The following PRKAB2 variants were observed in gnomAD, a reference collection of about 807,000 sequenced individuals.
The protein encoded by PRKAB2 is 5'-AMP-activated protein kinase subunit beta-2.
A neutral mutation model predicts 29.8 loss-of-function variants in PRKAB2; 18 were observed. The ratio of observed to expected loss-of-function variants is 0.60; its 90% CI spans 0.42 to 0.89. The LOEUF (loss-of-function observed/expected upper bound fraction) is 0.89. Among genes scored for constraint, PRKAB2 ranks in the 40% least tolerant of loss-of-function variants. The probability of loss-of-function intolerance (pLI) is 0.00; values close to 1 mark genes in which losing one functional copy is unlikely to be tolerated. For missense variants in PRKAB2, 270 were observed against 344.3 expected, an observed-to-expected ratio of 0.78 and a Z score of 1.71; for synonymous variants, 136 against 125.9, an observed-to-expected ratio of 1.08 and a Z score of -0.54.
rs59398783 is a variant in PRKAB2 at position 147,156,114 on chromosome 1, G to GT, written c.*3450_*3451insA. 0.051 allele frequency: 7,764 copies of GT among 152,480 alleles called. 345 individuals carry two copies. Among genetic ancestry groups the GT allele is most frequent in the African/African-American group, 0.11 (4,616 of 41,460 alleles). The allele number at this position is 152,480 out of a possible 1,614,324, so 9.4% of individuals were successfully genotyped here. Reference sequence around the variant, plus strand: ...AGACAGCAAGAACTGGGCTTTAAGGGGAATCACAATAATGCAGGAATACAC... The same window carrying GT: ...AGACAGCAAGAACTGGGCTTTAAGGGTGAATCACAATAATGCAGGAATACAC... On this transcript the variant is annotated 3_prime_UTR_variant, in exon 8 of 8. Transcript: ENST00000254101.
At position 147,167,775 on chromosome 1, in the gene PRKAB2, C is replaced by A. The variant is rs1215059348; in HGVS notation, c.315G>T (p.Leu105=). 4.3e-6 allele frequency: 7 copies of A among 1,613,210 alleles called. No individual in the cohort carries two copies. Among genetic ancestry groups the A allele is most frequent in the Non-Finnish European group, 5.9e-6 (7 of 1,179,588 alleles). ...SFNNWSTKIP[L]IKSHNDFVAI... ...ACCAAGACACTTGTCACCTCTTAAT[C>A]AGTGGAATCTTGGTGCTCCAATTGT... The change falls in exon 3 of 8, where the codon CTG becomes CTT. Residue 105 remains leucine, a synonymous_variant. Coordinates refer to ENST00000254101, the MANE Select transcript of PRKAB2 (RefSeq NM_005399.5).
At chr1:147,161,440 T>A (rs1405651169) in intron 7 of PRKAB2, among the ~76,000 whole-genome samples, 2 of 151,936 alleles carry the variant, frequency 1.3e-5, no homozygotes, top group Non-Finnish European at 2.9e-5. Flanking sequence ...CAAACTTAAG[T>A]AAACAGTTAG....
chr1:147,159,753 T>A, intron 7 of PRKAB2, 111 bp from the exon 8 acceptor site: 1 of 941,202 alleles, frequency 1.1e-6, no homozygotes, highest in Non-Finnish European at 1.6e-6. Flanking sequence ...TAGTTTGATA[T>A]AAGAGCAGGA....
Position 147,156,138 on chromosome 1 carries a change from A to G in PRKAB2, c.*3427T>C, listed in dbSNP as rs1220579839. ...GGGAATCACAATAATGCAGGAATAC[A>G]CTGTACATCTGCTATTAAGCCCATG... is the stretch of plus-strand genomic sequence containing the variant. On this transcript the variant is annotated 3_prime_UTR_variant, in exon 8 of 8. Transcript: ENST00000254101. 2 of 152,592 alleles carry G rather than the reference A, an allele frequency of 1.3e-5. No homozygotes were observed. Among genetic ancestry groups the G allele is most frequent in the African/African-American group, 4.8e-5 (2 of 41,434 alleles). 9.5% of individuals were successfully genotyped at this position (152,592 alleles called of 1,614,324 possible).
rs1300971731 is a variant in PRKAB2, at chr1:147,157,025, C to T, written c.*2540G>A. ...CCTCCTGAAGAACTATTTTCTTATT[C>T]TGCCTACTTTGACTCTGTAAAATTC... On this transcript the variant is annotated 3_prime_UTR_variant, in exon 8 of 8. Coordinates refer to ENST00000254101, the MANE Select transcript of PRKAB2 (RefSeq NM_005399.5). 1 of 152,076 alleles carries T rather than the reference C, an allele frequency of 6.6e-6. No individual in the cohort carries two copies. Among genetic ancestry groups the T allele is most frequent in the Non-Finnish European group, 1.5e-5 (1 of 68,012 alleles). 9.4% of individuals were successfully genotyped at this position (152,076 alleles called of 1,614,324 possible). A position where few individuals can be genotyped will look rare whatever the true frequency, so the allele number is the denominator to read the frequency against.
intron 7 of PRKAB2, among the ~76,000 whole-genome samples, chr1:147,159,940 A>G (rs1281905200): frequency 6.6e-6 from 1 of 152,176 alleles, no homozygotes; most frequent in African/African-American, 2.4e-5. Context: ...GACACATAAA[A>G]GGGCTGAAGA....
intron 2 of PRKAB2, among the ~76,000 whole-genome samples, chr1:147,169,118 G>A (rs1654391225): frequency 6.6e-6 from 1 of 152,156 alleles, no homozygotes; most frequent in Non-Finnish European, 1.5e-5. Flanking sequence ...ACTGGTTTAA[G>A]TGACTTTGGT....
In PRKAB2 at chr1:147,168,889, G is replaced by C. The variant is rs140185882; in HGVS notation, c.157-956C>G. Among the ~76,000 whole-genome samples, 1,486 of 152,246 alleles carry C rather than the reference G, an allele frequency of 9.8e-3. 25 individuals are homozygous for C. The highest frequency in any genetic ancestry group is 0.034 in the African/African-American group (1,415 of 41,550). On this transcript the variant is annotated intron_variant, in intron 2 of 7. Coordinates refer to ENST00000254101, the MANE Select transcript of PRKAB2 (RefSeq NM_005399.5). ...TGTAATCATAGCTCACTGCAGCCTC[G>C]AACTCCTGGGCTCAAGCCATCTTCC...
Position 147,161,742 on chromosome 1 carries a change from C to T in PRKAB2, c.711G>A (p.Met237Ile). The change falls in exon 7 of 8, where the codon ATG becomes ATA. Residue 237 changes from methionine to isoleucine, a missense_variant. Met to Ile is a conservative substitution (Grantham distance 10, BLOSUM62 1). Transcript: ENST00000254101. ...TGGACAATGCATAGAGATGGTTCAG[C>T]ATAACATGGTTGGGCTCAGGGAGTA... ...PALLPEPNHV[M>I]LNHLYALSIK... 1 of 1,612,966 alleles carries T rather than the reference C, an allele frequency of 6.2e-7. No homozygotes were observed. Among genetic ancestry groups the T allele is most frequent in the Non-Finnish European group, 8.5e-7 (1 of 1,179,292 alleles).
chr1:147,167,188 C>T (rs587752668), intron 3 of PRKAB2, among the ~76,000 whole-genome samples: 4 of 152,290 alleles, frequency 2.6e-5, no homozygotes, highest in Middle Eastern at 3.4e-3. Flanking sequence ...AAACATTAAT[C>T]CCCTCAAATG....
At chr1:147,168,685 T>C (rs1408999899) in intron 2 of PRKAB2, among the ~76,000 whole-genome samples, 1 of 152,178 alleles carries the variant, frequency 6.6e-6, no homozygotes, top group Non-Finnish European at 1.5e-5. Context: ...AAACAGTAAC[T>C]CCTGTTTCTT....
rs1553913097 is a variant in PRKAB2 at position 147,161,699 on chromosome 1, G to A, written c.741+13C>T. The A allele has an allele frequency of 6.2e-7, 1 of 1,605,450 alleles. No individual in the cohort carries two copies. The highest frequency in any genetic ancestry group is 1.7e-5 in the Admixed American group (1 of 59,914). The stretch of plus-strand genomic sequence containing the variant: ...TCCAGGGAGCTCTGTGAAGAGCCAG[G>A]GCCACCACTTACCTTAATGGACAAT... On this transcript the variant is annotated intron_variant, in intron 7 of 7. Coordinates refer to ENST00000254101, the MANE Select transcript of PRKAB2 (RefSeq NM_005399.5).
Position 147,156,672 on chromosome 1 carries a change from T to C in PRKAB2, c.*2893A>G, listed in dbSNP as rs2101608893. The C allele has an allele frequency of 6.6e-6, 1 of 152,262 alleles. No individual in the cohort carries two copies. The highest frequency in any genetic ancestry group is 2.1e-4 in the South Asian group (1 of 4,822). 9.4% of individuals were successfully genotyped at this position (152,262 alleles called of 1,614,324 possible). A position where few individuals can be genotyped will look rare whatever the true frequency, so the allele number is the denominator to read the frequency against. ...GCTAATAATCATGGTGTGGAATTTC[T>C]CCATACCAGCAGCATGGCTAACGTA... is the stretch of plus-strand genomic sequence containing the variant. On this transcript the variant is annotated 3_prime_UTR_variant, in exon 8 of 8. Transcript: ENST00000254101.
intron 2 of PRKAB2, among the ~76,000 whole-genome samples, chr1:147,169,906 C>T (rs1553914138): frequency 6.6e-6 from 1 of 152,164 alleles, no homozygotes; most frequent in Non-Finnish European, 1.5e-5. Flanking sequence ...GCAAAGTAGG[C>T]CCCCCTGCCA....
In PRKAB2 at chr1:147,162,558, G is replaced by T; in HGVS notation, c.554C>A (p.Pro185His). The part of the protein sequence containing the change: ...ETSCRDLSSS[P>H]PGPYGQEMYA... The stretch of plus-strand genomic sequence containing the variant: ...CATTTCTTGACCATAAGGCCCTGGG[G>T]GTGAGCTGGAAAGGTCTGAAAGATA... Residue 185 changes from proline (P) to histidine (H), a missense_variant, in exon 6 of 8, where the codon CCC (proline) becomes CAC (histidine). By Grantham distance (77) the Pro-to-His change is moderately conservative. Around this residue, in one of 2 missense-constraint regions of PRKAB2, gnomAD observed 228 missense variants for 255.5 expected, o/e 0.89. Transcript: ENST00000254101. 1.2e-6 allele frequency: 2 copies of T among 1,610,302 alleles called. No individual in the cohort carries two copies. Among genetic ancestry groups the T allele is most frequent in the Non-Finnish European group, 1.7e-6 (2 of 1,178,138 alleles).
chr1:147,163,491 A>G (rs587721368), intron 5 of PRKAB2, among the ~76,000 whole-genome samples: 2 of 152,374 alleles, frequency 1.3e-5, no homozygotes, highest in South Asian at 4.1e-4. Context: ...ATGTCCACAC[A>G]ATGGGCTCTT....
In PRKAB2 at chr1:147,172,410, G is replaced by T; in HGVS notation, c.-24+19C>A. On this transcript the variant is annotated intron_variant, in intron 1 of 7. Transcript: ENST00000254101. ...CGCGTCCCCGCGCTCACTGCCAGGG[G>T]CGCCCCCACTCCAGTCACCTCGGGC... The T allele has an allele frequency of 1.9e-6, 1 of 536,188 alleles. No homozygotes were observed. The highest frequency in any genetic ancestry group is 3.2e-6 in the Non-Finnish European group (1 of 308,088). The allele number at this position is 536,188 out of a possible 1,614,324, so 33.2% of individuals were successfully genotyped here. A position where few individuals can be genotyped will look rare whatever the true frequency, so the allele number is the denominator to read the frequency against.
At chr1:147,169,743 G>A (rs1002848682) in intron 2 of PRKAB2, among the ~76,000 whole-genome samples, 6 of 152,086 alleles carry the variant, frequency 3.9e-5, no homozygotes, top group South Asian at 4.1e-4. Flanking sequence ...CAAACTGGGT[G>A]GCATGTATAT....
rs940167202 is a variant in PRKAB2, at chr1:147,172,399, C to T, written c.-24+30G>A. The T allele has an allele frequency of 3.4e-5, 19 of 554,512 alleles. No homozygotes were observed. In the African/African-American group the frequency reaches 3.6e-4, roughly 11 times the overall value. The allele number at this position is 554,512 out of a possible 1,614,324, so 34.3% of individuals were successfully genotyped here. Reference sequence around the variant, plus strand: ...GGGACCTCCCCCGCGTCCCCGCGCTCACTGCCAGGGGCGCCCCCACTCCAG... The same window carrying T: ...GGGACCTCCCCCGCGTCCCCGCGCTTACTGCCAGGGGCGCCCCCACTCCAG... On this transcript the variant is annotated intron_variant, in intron 1 of 7. Coordinates refer to ENST00000254101, the MANE Select transcript of PRKAB2 (RefSeq NM_005399.5).
Sources: allele counts gnomAD v4.1 joint callset (sites outside exome capture counted in the v4.1 genomes callset), GRCh38; gene constraint gnomAD v4.1.1; regional missense constraint gnomAD v4.1.1; transcripts MANE v1.5; gene names NCBI Gene and HGNC (gene_info 2026-07-23, HGNC 2026-07-21).